The following NFAM1 variants were observed in gnomAD, a reference collection of about 807,000 sequenced individuals.
NFAM1 encodes the protein NFAT activating protein with ITAM motif 1, also known as NFAT activation molecule 1.
A neutral mutation model predicts 29.0 loss-of-function variants in NFAM1; 17 were observed. That is an observed-to-expected ratio of 0.59 (90% confidence interval 0.40 to 0.88). The LOEUF is 0.88. NFAM1 is among the 40% of genes least tolerant of loss of function. The pLI is 0.00. For synonymous variants in NFAM1, 175 were observed against 147.2 expected, an observed-to-expected ratio of 1.19 and a Z score of -1.36; for missense variants, 324 against 344.6, an observed-to-expected ratio of 0.94 and a Z score of 0.47.
At chr22:42,411,872 CG>C in intron 1 of NFAM1, 136 bp from the exon 2 acceptor site, 1 of 634,420 alleles carries the variant, frequency 1.6e-6, no homozygotes, top group Non-Finnish European at 2.8e-6. Flanking sequence ...CCGAGGCAGG[CG>C]GATCACTGGA....
chr22:42,396,971 C>A (rs983007206), intron 4 of NFAM1, among the ~76,000 whole-genome samples: 3 of 118,058 alleles, frequency 2.5e-5, no homozygotes, highest in African/African-American at 6.3e-5. Context: ...CACCTGGGAA[C>A]CTGCAGGGCC....
At chr22:42,392,025 G>A (rs905744181) in intron 4 of NFAM1, among the ~76,000 whole-genome samples, 1 of 151,988 alleles carries the variant, frequency 6.6e-6, no homozygotes, top group African/African-American at 2.4e-5. Flanking sequence ...GTTGACTCTG[G>A]TGTTCAGAGG....
In NFAM1 at chr22:42,397,958, T is replaced by C; in HGVS notation, c.565-2A>G. 1 of 1,573,702 alleles carries C rather than the reference T, an allele frequency of 6.4e-7. No homozygotes were observed. Among genetic ancestry groups the C allele is most frequent in the Non-Finnish European group, 8.7e-7 (1 of 1,151,440 alleles). ...CTTCCCTGGACCCCGCATCCGCTTC[T>C]GTAGGGAGAAAGGAGTCAGGGCCAG... On this transcript the variant is annotated splice_acceptor_variant, in intron 3 of 5. Transcript: ENST00000329021. LOFTEE classifies it high-confidence loss of function.
chr22:42,401,183 G>A (rs995784869), intron 3 of NFAM1, among the ~76,000 whole-genome samples: 28 of 152,206 alleles, frequency 1.8e-4, no homozygotes, highest in Admixed American at 5.9e-4. Flanking sequence ...GCCATCTTGC[G>A]CTGTCTTCTG....
chr22:42,385,600 C>A (rs981244167), intron 5 of NFAM1, among the ~76,000 whole-genome samples: 2 of 152,094 alleles, frequency 1.3e-5, no homozygotes, highest in African/African-American at 4.8e-5. Context: ...CCCTCCCTCC[C>A]CACCCTGGCT....
At chr22:42,395,048 C>T (rs4820464) in intron 4 of NFAM1, among the ~76,000 whole-genome samples, 2,780 of 152,236 alleles carry the variant, frequency 0.018, 200 homozygotes, top group Admixed American at 0.13. Context: ...GTGTCTCACA[C>T]TCATAGTCCC....
chr22:42,395,687 C>T (rs570955811), intron 4 of NFAM1, among the ~76,000 whole-genome samples: 156 of 151,426 alleles, frequency 1.0e-3, no homozygotes, highest in African/African-American at 3.6e-3. Context: ...TCGAGACCAT[C>T]CTGGCTAACA....
At chr22:42,399,899 G>A (rs1435337766) in intron 3 of NFAM1, among the ~76,000 whole-genome samples, 1 of 152,246 alleles carries the variant, frequency 6.6e-6, no homozygotes, top group Non-Finnish European at 1.5e-5. Flanking sequence ...CTCGCAGGCA[G>A]AAGCCGGCGC....
At chr22:42,407,903 CTTTTTT>C (rs61407898) in intron 3 of NFAM1, among the ~76,000 whole-genome samples, 2 of 103,312 alleles carry the variant, frequency 1.9e-5, no homozygotes, top group South Asian at 3.7e-4. Flanking sequence ...ACAGATTTCT[CTTTTTT>C]TTTTTTTTTT....
At chr22:42,417,473 C>A (rs551849215) in intron 1 of NFAM1, among the ~76,000 whole-genome samples, 1 of 152,248 alleles carries the variant, frequency 6.6e-6, no homozygotes, top group South Asian at 2.1e-4. Context: ...CTCAAGGAGC[C>A]CCAGGTGTTT....
Position 42,432,343 on chromosome 22 carries a change from A to T in NFAM1, c.15T>A (p.Pro5=). The change falls in exon 1 of 6, where the codon CCT becomes CCA. Residue 5 remains proline (P), a synonymous_variant. Transcript: ENST00000329021. MENQ[P]VRWRALPGLP... Reference sequence around the variant, plus strand: ...GGCCTGGCAGGGCCCGCCACCTCACAGGCTGGTTCTCCATCTGGGGGCCTG... The same window carrying T: ...GGCCTGGCAGGGCCCGCCACCTCACTGGCTGGTTCTCCATCTGGGGGCCTG... 1 of 1,577,414 alleles carries T rather than the reference A, an allele frequency of 6.3e-7. No individual in the cohort carries two copies. The highest frequency in any genetic ancestry group is 8.6e-7 in the Non-Finnish European group (1 of 1,162,512).
intron 1 of NFAM1, among the ~76,000 whole-genome samples, chr22:42,422,066 T>C (rs1030761261): frequency 2.6e-5 from 4 of 152,212 alleles, no homozygotes; most frequent in African/African-American, 7.2e-5. Flanking sequence ...CCGTTGCCTT[T>C]GGAATGGCGC....
intron 3 of NFAM1, among the ~76,000 whole-genome samples, chr22:42,399,264 T>C (rs1929640184): frequency 6.6e-6 from 1 of 151,638 alleles, no homozygotes; most frequent in African/African-American, 2.4e-5. Flanking sequence ...CTGGCCAACA[T>C]GGCAACACCC....
chr22:42,386,364 ACT>A (rs1443823023), intron 5 of NFAM1, among the ~76,000 whole-genome samples: 3 of 151,192 alleles, frequency 2.0e-5, no homozygotes, highest in African/African-American at 7.3e-5. Context: ...ATGGAGCAAG[ACT>A]CTGTCTCAAA....
intron 1 of NFAM1, among the ~76,000 whole-genome samples, chr22:42,427,892 C>T (rs1240634838): frequency 2.0e-5 from 3 of 152,042 alleles, no homozygotes; most frequent in African/African-American, 4.8e-5. Flanking sequence ...TGGTGGGGCA[C>T]GGAGCGGGGC....
rs532463002 is a variant in NFAM1, at chr22:42,384,137, A to C, written c.*1024T>G. 1.3e-5 allele frequency: 2 copies of C among 152,932 alleles called. No individual in the cohort carries two copies. The highest frequency in any genetic ancestry group is 1.3e-4 in the Admixed American group (2 of 15,300). 9.5% of individuals were successfully genotyped at this position (152,932 alleles called of 1,614,324 possible). A position where few individuals can be genotyped will look rare whatever the true frequency, so the allele number is the denominator to read the frequency against. ...TGGACCACTTGGGACCTCAATCCAC[A>C]GGGGGCCAGGGCTGCGGCCTATGGC... On this transcript the variant is annotated 3_prime_UTR_variant, in exon 6 of 6. Transcript: ENST00000329021.
intron 4 of NFAM1, among the ~76,000 whole-genome samples, chr22:42,395,403 G>A (rs541802746): frequency 4.6e-5 from 7 of 151,860 alleles, no homozygotes; most frequent in Non-Finnish European, 7.4e-5. Context: ...TTGAACAGGG[G>A]AGACAGAGGT....
chr22:42,406,429 C>T (rs1238329335), intron 3 of NFAM1, among the ~76,000 whole-genome samples: 1 of 152,170 alleles, frequency 6.6e-6, no homozygotes, highest in Non-Finnish European at 1.5e-5. Context: ...CCTTTCAATG[C>T]CCCCTACCTG....
chr22:42,416,645 C>A (rs551002012), intron 1 of NFAM1, among the ~76,000 whole-genome samples: 2 of 152,072 alleles, frequency 1.3e-5, no homozygotes, highest in South Asian at 4.2e-4. Flanking sequence ...GCAGGGCATC[C>A]GGCCTGCCCC....
Sources: allele counts gnomAD v4.1 joint callset (sites outside exome capture counted in the v4.1 genomes callset), GRCh38; gene constraint gnomAD v4.1.1; transcripts MANE v1.5; gene names NCBI Gene and HGNC (gene_info 2026-07-23, HGNC 2026-07-21).